AHCY: variants seen among roughly 807,000 people sequenced by gnomAD.
The protein encoded by AHCY is S-adenosyl-L-homocysteine hydrolase.
AHCY carries 24 observed loss-of-function variants against 45.4 expected under a neutral mutation model. That is an observed-to-expected ratio of 0.53 (90% confidence interval 0.38 to 0.74). The LOEUF is 0.74. Ranked by LOEUF, AHCY falls within the 30% of genes least tolerant of loss-of-function variation. The pLI is 0.00. For missense variants in AHCY, 449 were observed against 594.1 expected, an observed-to-expected ratio of 0.76 and a Z score of 2.54; for synonymous variants, 245 against 235.1, an observed-to-expected ratio of 1.04 and a Z score of -0.39.
At chr20:34,250,109 C>G in the AHCY span, 1 of 152,282 alleles carries the variant, frequency 6.6e-6, no homozygotes, top group Non-Finnish European at 1.5e-5. Context: ...CAAGAACCCC[C>G]AGGTCTCTGG....
chr20:34,262,730 C>A, the AHCY span: 1 of 1,322,640 alleles, frequency 7.6e-7, no homozygotes, highest in Non-Finnish European at 1.1e-6. Flanking sequence ...TTCTCCTCTC[C>A]CTGACCTTGT....
intron 4 of AHCY, among the ~76,000 whole-genome samples, chr20:34,292,135 G>T (rs948817809): frequency 1.3e-5 from 2 of 152,174 alleles, no homozygotes; most frequent in African/African-American, 4.8e-5. Context: ...CCCAACCATG[G>T]CCCTGTCTGT....
At chr20:34,268,480 T>G in the AHCY span, among the ~76,000 whole-genome samples, 1 of 152,030 alleles carries the variant, frequency 6.6e-6, no homozygotes, top group Non-Finnish European at 1.5e-5. Flanking sequence ...CCCAGCACTT[T>G]GGGAGGCCGA....
upstream of AHCY, among the ~76,000 whole-genome samples, chr20:34,304,967 C>T (rs1283214633): frequency 1.3e-5 from 2 of 151,088 alleles, no homozygotes; most frequent in African/African-American, 2.4e-5. Flanking sequence ...GGATTACTGG[C>T]GTGAGCCACC....
chr20:34,289,615 T>C (rs938193406), intron 8 of AHCY, among the ~76,000 whole-genome samples: 8 of 151,732 alleles, frequency 5.3e-5, no homozygotes, highest in African/African-American at 1.9e-4. Context: ...ATAGCTGGGA[T>C]TACAGGTGCC....
At chr20:34,269,479 T>C in the AHCY span, 1 of 389,754 alleles carries the variant, frequency 2.6e-6, no homozygotes, top group East Asian at 4.6e-5. Flanking sequence ...TCACCGCTGC[T>C]GCCGACCTGG....
intron 9 of AHCY, among the ~76,000 whole-genome samples, chr20:34,282,329 G>A (rs908301639): frequency 5.9e-5 from 9 of 152,192 alleles, no homozygotes; most frequent in East Asian, 3.9e-4. Context: ...GATGTGAAGA[G>A]GATCTTCCAG....
chr20:34,237,500 T>G, the AHCY span, among the ~76,000 whole-genome samples: 1 of 152,344 alleles, frequency 6.6e-6, no homozygotes, highest in African/African-American at 2.4e-5. Context: ...TGATATAACT[T>G]TGTATCCTGC....
At chr20:34,244,793 C>T in the AHCY span, among the ~76,000 whole-genome samples, 16 of 152,150 alleles carry the variant, frequency 1.1e-4, no homozygotes, top group African/African-American at 1.7e-4. Context: ...GCTCGAACAA[C>T]TCCTACCAAC....
the AHCY span, among the ~76,000 whole-genome samples, chr20:34,248,758 C>A: frequency 6.6e-6 from 1 of 151,932 alleles, no homozygotes; most frequent in Non-Finnish European, 1.5e-5. Context: ...TATGGTCTTG[C>A]CATTGCCTTC....
At chr20:34,241,433 T>C in the AHCY span, 2 of 985,058 alleles carry the variant, frequency 2.0e-6, no homozygotes, top group African/African-American at 3.5e-5. Flanking sequence ...AGCAAATCTC[T>C]ACAGCTGCAA....
the AHCY span, among the ~76,000 whole-genome samples, chr20:34,269,956 A>T: frequency 7.3e-5 from 5 of 68,318 alleles, no homozygotes; most frequent in African/African-American, 2.2e-4. Flanking sequence ...TAAAAAAAAA[A>T]AAAAAAAAAA....
At chr20:34,303,055 C>G (rs1034702322) in intron 1 of AHCY, 188 bp downstream of exon 1, 1 of 985,326 alleles carries the variant, frequency 1.0e-6, no homozygotes, top group Non-Finnish European at 1.2e-6. Flanking sequence ...TCCACGGCCA[C>G]CCGGAACGGC....
the AHCY span, chr20:34,260,423 T>G: frequency 6.2e-7 from 1 of 1,614,150 alleles, no homozygotes; most frequent in South Asian, 1.1e-5. Context: ...CTTCCTCTGC[T>G]TCTTCACTGC....
intron 8 of AHCY, among the ~76,000 whole-genome samples, chr20:34,289,911 A>G (rs1448999212): frequency 6.6e-6 from 1 of 152,084 alleles, no homozygotes; most frequent in Non-Finnish European, 1.5e-5. Flanking sequence ...GTGAGCCACC[A>G]TGCCCGGCCA....
At chr20:34,307,022 G>A (rs1320734670), upstream of AHCY, among the ~76,000 whole-genome samples, 1 of 152,160 alleles carries the variant, frequency 6.6e-6, no homozygotes, top group African/African-American at 2.4e-5. Flanking sequence ...TCCTAGTTGA[G>A]ATGTTTTATT....
Position 34,280,406 on chromosome 20 carries a change from T to A in AHCY, c.*628A>T, listed in dbSNP as rs1210884798. The A allele has an allele frequency of 1.3e-5, 2 of 153,450 alleles. No homozygotes were observed. The highest frequency in any genetic ancestry group is 2.9e-5 in the Non-Finnish European group (2 of 69,064). 9.5% of individuals were successfully genotyped at this position (153,450 alleles called of 1,614,324 possible). On this transcript the variant is annotated 3_prime_UTR_variant, in exon 10 of 10. Coordinates refer to ENST00000217426, the MANE Select transcript of AHCY (RefSeq NM_000687.4). ...GGTGGCAGATTTCACGAAATCTGCC[T>A]GCATTCATGTTTTTCTGGCCCCTCT...
chr20:34,290,018 G>A lies in AHCY; in HGVS notation c.972+314C>T, dbSNP rs911951014. 6.6e-6 allele frequency among the ~76,000 whole-genome samples: 1 copy of A among 152,156 alleles called. No individual in the cohort carries two copies. Among genetic ancestry groups the A allele is most frequent in the Non-Finnish European group, 1.5e-5 (1 of 68,014 alleles). ...GCTGAGGCTGCCATCATCCCCTGCAGGGATTCTACGAGCCTCCTCTAAAAG... is the reference window on the plus strand; with the variant it reads ...GCTGAGGCTGCCATCATCCCCTGCAAGGATTCTACGAGCCTCCTCTAAAAG... On this transcript the variant is annotated intron_variant, in intron 8 of 9. Coordinates refer to ENST00000217426, the MANE Select transcript of AHCY (RefSeq NM_000687.4). The surrounding 1 kb of genome is among the most constrained non-coding windows in gnomAD (Gnocchi z 4.5).
At chr20:34,253,386 G>A in the AHCY span, among the ~76,000 whole-genome samples, 6 of 151,748 alleles carry the variant, frequency 4.0e-5, no homozygotes, top group Middle Eastern at 3.4e-3. Flanking sequence ...GATTACGGGC[G>A]TGAGCCACCG....
Sources: allele counts gnomAD v4.1 joint callset (sites outside exome capture counted in the v4.1 genomes callset), GRCh38; gene constraint gnomAD v4.1.1; non-coding constraint Gnocchi (gnomAD v3.1); transcripts MANE v1.5; gene names NCBI Gene and HGNC (gene_info 2026-07-23, HGNC 2026-07-21).